TIAM2: variants seen among roughly 807,000 people sequenced by gnomAD.
TIAM2 encodes the protein rho guanine nucleotide exchange factor TIAM2.
TIAM2 carries 80 observed loss-of-function variants against 152.9 expected under a neutral mutation model. The ratio of observed to expected loss-of-function variants is 0.52; its 90% CI spans 0.44 to 0.63. The LOEUF (loss-of-function observed/expected upper bound fraction) is 0.63, where lower values mean the gene tolerates loss of function less well. Among genes scored for constraint, TIAM2 ranks in the 30% least tolerant of loss-of-function variants. TIAM2 has a pLI of 0.00. For missense variants in TIAM2, 1,965 were observed against 2,120.1 expected, an observed-to-expected ratio of 0.93 and a Z score of 1.44; for synonymous variants, 804 against 838.0, an observed-to-expected ratio of 0.96 and a Z score of 0.70.
intron 2 of TIAM2, among the ~76,000 whole-genome samples, chr6:155,119,196 G>A (rs191990067): frequency 2.0e-5 from 3 of 151,770 alleles, no homozygotes; most frequent in Admixed American, 1.3e-4. Flanking sequence ...CACCACGCCC[G>A]GCTAATTTTT....
chr6:155,134,369 A>G (rs917422429), intron 4 of TIAM2, among the ~76,000 whole-genome samples: 2 of 151,784 alleles, frequency 1.3e-5, no homozygotes, highest in Admixed American at 6.6e-5. Flanking sequence ...TATAAGAATA[A>G]GTTATAAATG....
intron 5 of TIAM2, among the ~76,000 whole-genome samples, chr6:155,140,899 TACTGACC>T (rs1445669883): frequency 6.6e-6 from 1 of 152,186 alleles, no homozygotes; most frequent in Non-Finnish European, 1.5e-5. Flanking sequence ...ATTTCTGTGC[TACTGACC>T]ACATTTGTCC....
In TIAM2 at chr6:155,157,294, T is replaced by C. The variant is rs75600922; in HGVS notation, c.2029-7121T>C. Among the ~76,000 whole-genome samples the C allele has an allele frequency of 8.7e-3, 1,325 of 152,288 alleles. 17 individuals are homozygous for C. The highest frequency in any genetic ancestry group is 0.031 in the African/African-American group (1,280 of 41,562). On this transcript the variant is annotated intron_variant, in intron 7 of 26. Coordinates refer to ENST00000682666, the MANE Select transcript of TIAM2 (RefSeq NM_012454.4). ...CGCCTCCTTTTGCCCTGCCTTGTTC[T>C]CATGCTCCCCTTCCTTGTTTTATCA...
rs1312765011 is a variant in TIAM2, at chr6:155,256,516, TC to T, written c.4503del (p.Ser1502ProfsTer22). Reference protein sequence around the residue: ...SSRSLKVLKNSSSNEWTGETG... With the variant: ...SSRSLKVLKNXSSNEWTGETG... The stretch of plus-strand genomic sequence containing the variant: ...CAGGTCTTTAAAAGTCCTGAAGAAT[TC>T]CTCCAGCAACGAGTGGACCGGTGAG... On this transcript the variant is annotated frameshift_variant, in exon 27 of 27. Transcript: ENST00000682666. LOFTEE classifies it low-confidence loss of function (END_TRUNC). 2 of 1,614,070 alleles carry T rather than the reference TC, an allele frequency of 1.2e-6. No individual in the cohort carries two copies. Among genetic ancestry groups the T allele is most frequent in the African/African-American group, 2.7e-5 (2 of 74,946 alleles).
chr6:155,003,978 G>T (rs1048113784), intron 1 of TIAM2, among the ~76,000 whole-genome samples: 5 of 152,192 alleles, frequency 3.3e-5, no homozygotes, highest in African/African-American at 9.7e-5. Flanking sequence ...CCCCAGAAAA[G>T]TGCATTCTGT....
intron 1 of TIAM2, among the ~76,000 whole-genome samples, chr6:155,077,760 G>A (rs745592069): frequency 6.6e-5 from 10 of 152,112 alleles, no homozygotes; most frequent in Non-Finnish European, 8.8e-5. Context: ...GAGGGTGGGC[G>A]TAATTGTTTT....
chr6:155,042,751 A>T (rs1284423324), intron 1 of TIAM2, among the ~76,000 whole-genome samples: 1 of 151,932 alleles, frequency 6.6e-6, no homozygotes, highest in East Asian at 1.9e-4. Flanking sequence ...GCATTACCTC[A>T]AATACTTATT....
rs919359013 is a variant in TIAM2 at position 155,159,378 on chromosome 6, G to C, written c.2029-5037G>C. On this transcript the variant is annotated intron_variant, in intron 7 of 26. Transcript: ENST00000682666. ...TGCACAGGTATCTTCCTATGAGTCAGAAGACCTGGGAATCAGGGGCCCCGT... is the reference window on the plus strand; with the variant it reads ...TGCACAGGTATCTTCCTATGAGTCACAAGACCTGGGAATCAGGGGCCCCGT... Among the ~76,000 whole-genome samples the C allele has an allele frequency of 6.6e-5, 10 of 152,188 alleles. No individual in the cohort carries two copies. In the South Asian group the frequency reaches 8.3e-4, roughly 13 times the overall value.
intron 1 of TIAM2, chr6:155,013,528 A>T (rs1440234817): frequency 1.3e-5 from 2 of 152,280 alleles, no homozygotes; most frequent in Admixed American, 6.5e-5. Context: ...GATATTGGAA[A>T]GCCATATTGT....
intron 15 of TIAM2, among the ~76,000 whole-genome samples, chr6:155,239,292 A>G (rs571244977): frequency 1.5e-4 from 23 of 152,170 alleles, no homozygotes; most frequent in Admixed American, 9.2e-4. Flanking sequence ...TTGTGTTGGG[A>G]CTCAGCTGCG....
intron 2 of TIAM2, among the ~76,000 whole-genome samples, chr6:155,098,360 T>C (rs1056461942): frequency 6.6e-6 from 1 of 152,200 alleles, no homozygotes; most frequent in Non-Finnish European, 1.5e-5. Flanking sequence ...ATTTTATCAG[T>C]GTGTTACAGT....
At chr6:155,001,838 C>T (rs1036418300) in intron 1 of TIAM2, among the ~76,000 whole-genome samples, 9 of 152,142 alleles carry the variant, frequency 5.9e-5, no homozygotes, top group African/African-American at 1.9e-4. Context: ...ATGTAAAACT[C>T]GAATTTTGAA....
At chr6:155,207,689 G>T (rs956081494) in intron 14 of TIAM2, among the ~76,000 whole-genome samples, 18 of 152,148 alleles carry the variant, frequency 1.2e-4, no homozygotes, top group Non-Finnish European at 1.6e-4. Context: ...GGGGCCTAAG[G>T]GAGCCTCACT....
At chr6:155,114,034 ATATTTTTTTTTTTTTC>A (rs1778935536) in intron 2 of TIAM2, among the ~76,000 whole-genome samples, 3 of 37,770 alleles carry the variant, frequency 7.9e-5, no homozygotes, top group Non-Finnish European at 1.4e-4. Context: ...ATATATATAT[ATATTTTTTTTTTTTTC>A]TTTTTTTTTT....
chr6:155,010,696 C>T (rs911018594), intron 1 of TIAM2, among the ~76,000 whole-genome samples: 6 of 152,210 alleles, frequency 3.9e-5, no homozygotes, highest in Admixed American at 2.6e-4. Flanking sequence ...GGTGATCCGC[C>T]CGCCTCGGCC....
At position 155,129,746 on chromosome 6, in the gene TIAM2, G is replaced by A; in HGVS notation, c.523G>A (p.Val175Ile). ...TLGKLDGCLRVEFHNGGNPSK... is the reference protein window; with the variant it reads ...TLGKLDGCLRIEFHNGGNPSK... ...GGGGAAGCTGGATGGGTGTTTAAGG[G>A]TCGAGTTCCACAATGGTGGCAACCC... Residue 175 changes from valine (V) to isoleucine (I), a missense_variant, in exon 4 of 27, where the codon GTC becomes ATC. Physicochemically the swap from Val to Ile is conservative, Grantham distance 29 (BLOSUM62 3). This residue lies in a region of TIAM2 where 1,025 missense variants were observed against 1,119.4 expected (regional missense o/e 0.92). Coordinates refer to ENST00000682666, the MANE Select transcript of TIAM2 (RefSeq NM_012454.4). This position sits in a 1 kb window ranked among gnomAD's most constrained non-coding sequence, Gnocchi z 4.8. 6.2e-7 allele frequency: 1 copy of A among 1,613,924 alleles called. No individual in the cohort carries two copies. The highest frequency in any genetic ancestry group is 2.2e-5 in the East Asian group (1 of 44,882).
intron 1 of TIAM2, among the ~76,000 whole-genome samples, chr6:155,044,329 G>A (rs1473673423): frequency 1.3e-5 from 2 of 152,118 alleles, no homozygotes; most frequent in African/African-American, 2.4e-5. Flanking sequence ...GATTTCTAGG[G>A]CACACGATAG....
chr6:155,163,222 T>C (rs1402804029), intron 7 of TIAM2, among the ~76,000 whole-genome samples: 1 of 152,202 alleles, frequency 6.6e-6, no homozygotes, highest in Admixed American at 6.5e-5. Flanking sequence ...CTCTTCACAC[T>C]GCATCCTTGA....
chr6:155,144,091 C>T (rs1238317786), intron 5 of TIAM2, among the ~76,000 whole-genome samples: 2 of 152,198 alleles, frequency 1.3e-5, no homozygotes, highest in Admixed American at 1.3e-4. Flanking sequence ...TGCTCTCCCT[C>T]GTTCCTCTCC....
Sources: allele counts gnomAD v4.1 joint callset (sites outside exome capture counted in the v4.1 genomes callset), GRCh38; gene constraint gnomAD v4.1.1; regional missense constraint gnomAD v4.1.1; non-coding constraint Gnocchi (gnomAD v3.1); transcripts MANE v1.5; gene names NCBI Gene and HGNC (gene_info 2026-07-23, HGNC 2026-07-21).